Variants in ABCC1 observed in about 807,000 individuals in gnomAD.
ABCC1 encodes ATP binding cassette subfamily C member 1 (ABCC1 blood group).
Under a neutral mutation model 172.9 loss-of-function variants are expected in ABCC1, and 83 were observed. That is an observed-to-expected ratio of 0.48 (90% CI 0.40 to 0.58). ABCC1 has a LOEUF of 0.58. Among genes scored for constraint, ABCC1 ranks in the 20% least tolerant of loss-of-function variants. ABCC1 has a pLI of 0.00. For synonymous variants in ABCC1, 937 were observed against 825.2 expected, an observed-to-expected ratio of 1.14 and a Z score of -2.32; for missense variants, 1,817 against 2,002.7, an observed-to-expected ratio of 0.91 and a Z score of 1.77.
Position 16,071,661 on chromosome 16 carries a change from G to A in ABCC1, c.1844G>A (p.Arg615His). 12 of 1,613,902 alleles carry A rather than the reference G, an allele frequency of 7.4e-6. No homozygotes were observed. The highest frequency in any genetic ancestry group is 1.0e-5 in the Non-Finnish European group (12 of 1,179,936). The change falls in exon 14 of 31, where the codon CGC (arginine) becomes CAC (histidine). Residue 615 changes from arginine (R) to histidine (H), a missense_variant. Around this residue, in one of 3 missense-constraint regions of ABCC1, gnomAD observed 1,412 missense variants for 1,600.3 expected, o/e 0.88. Transcript: ENST00000399410. ...SIVQASVSLK[R>H]LRIFLSHEEL... Reference sequence around the variant, plus strand: ...GTACAGGCGAGTGTCTCCCTCAAACGCCTGAGGATCTTTCTCTCCCATGAG... The same window carrying A: ...GTACAGGCGAGTGTCTCCCTCAAACACCTGAGGATCTTTCTCTCCCATGAG...
intron 1 of ABCC1, among the ~76,000 whole-genome samples, chr16:15,969,110 A>G (rs776275714): frequency 6.6e-6 from 1 of 152,118 alleles, no homozygotes; most frequent in Non-Finnish European, 1.5e-5. Flanking sequence ...AGGGGGAGGC[A>G]TAAGGATCAC....
intron 25 of ABCC1, among the ~76,000 whole-genome samples, chr16:16,125,412 C>T (rs527455903): frequency 1.3e-5 from 2 of 152,110 alleles, no homozygotes; most frequent in South Asian, 4.2e-4. Flanking sequence ...TTTCATAACT[C>T]ATAACCTTTT....
chr16:16,115,934 G>A (rs999094153), intron 23 of ABCC1, among the ~76,000 whole-genome samples: 2 of 149,016 alleles, frequency 1.3e-5, no homozygotes, highest in Admixed American at 6.7e-5. Context: ...ATGGAGTCTC[G>A]CTCTGTCGCC....
rs760313323 is a variant in ABCC1 at position 16,044,608 on chromosome 16, C to G, written c.968C>G (p.Pro323Arg). The change falls in exon 8 of 31, where the codon CCC (proline) becomes CGC (arginine). Residue 323 changes from proline (P) to arginine (R), a missense_variant. Around this residue, in one of 3 missense-constraint regions of ABCC1, gnomAD observed 7 missense variants for 18.2 expected, o/e 0.39. Transcript: ENST00000399410. ...LFKVLYKTFG[P>R]YFLMSFFFKA... ...AAGGTGTTATACAAGACCTTTGGGC[C>G]CTACTTCCTCATGAGCTTCTTCTTC... The G allele has an allele frequency of 6.2e-7, 1 of 1,614,078 alleles. No homozygotes were observed. Among genetic ancestry groups the G allele is most frequent in the Non-Finnish European group, 8.5e-7 (1 of 1,180,026 alleles).
intron 19 of ABCC1, among the ~76,000 whole-genome samples, chr16:16,093,311 C>G (rs905212748): frequency 6.6e-6 from 1 of 152,084 alleles, no homozygotes; most frequent in Non-Finnish European, 1.5e-5. Flanking sequence ...TGAGGTCTGT[C>G]TCTCTACCCT....
At chr16:16,037,370 A>G (rs2048797651) in intron 7 of ABCC1, among the ~76,000 whole-genome samples, 1 of 152,154 alleles carries the variant, frequency 6.6e-6, no homozygotes, top group African/African-American at 2.4e-5. Flanking sequence ...GCCCCACTGC[A>G]CCACCTCTGT....
chr16:16,007,807 T>C lies in ABCC1; in HGVS notation c.49-9T>C, dbSNP rs1444330650. The C allele has an allele frequency of 6.2e-7, 1 of 1,607,618 alleles. No homozygotes were observed. Among genetic ancestry groups the C allele is most frequent in the East Asian group, 2.2e-5 (1 of 44,638 alleles). On this transcript the variant is annotated splice_polypyrimidine_tract_variant and intron_variant, in intron 1 of 30. Transcript: ENST00000399410. ...CCTGCTGACCCCTCGCCTGTGTTTGTGTTCGCAGGACTGGAATGTCACGTG... is the reference window on the plus strand; with the variant it reads ...CCTGCTGACCCCTCGCCTGTGTTTGCGTTCGCAGGACTGGAATGTCACGTG...
At chr16:16,076,165 TC>T in intron 14 of ABCC1, 160 bp from the exon 15 acceptor site, 1 of 673,192 alleles carries the variant, frequency 1.5e-6, no homozygotes, top group South Asian at 1.9e-5. Flanking sequence ...AGGTTGAGTT[TC>T]TTCTTTCAGA....
chr16:15,977,393 TTTA>T (rs2046518259), intron 1 of ABCC1, among the ~76,000 whole-genome samples: 1 of 152,108 alleles, frequency 6.6e-6, no homozygotes, highest in African/African-American at 2.4e-5. Context: ...CTTTGTCCCA[TTTA>T]TTATTATTTA....
chr16:15,987,840 G>A (rs2046776070), intron 1 of ABCC1, among the ~76,000 whole-genome samples: 1 of 152,210 alleles, frequency 6.6e-6, no homozygotes, highest in Non-Finnish European at 1.5e-5. Flanking sequence ...CGGTTTCTCA[G>A]AAATGCCAGG....
intron 20 of ABCC1, among the ~76,000 whole-genome samples, chr16:16,104,585 T>A (rs2051976100): frequency 6.6e-6 from 1 of 152,150 alleles, no homozygotes; most frequent in African/African-American, 2.4e-5. Context: ...AGCACCAGAC[T>A]CAGGAGCCCA....
chr16:15,994,014 T>A (rs1261585438), intron 1 of ABCC1, among the ~76,000 whole-genome samples: 1 of 152,048 alleles, frequency 6.6e-6, no homozygotes, highest in Non-Finnish European at 1.5e-5. Context: ...GCAGACTGAG[T>A]TCAAGACCAG....
intron 19 of ABCC1, among the ~76,000 whole-genome samples, chr16:16,096,041 C>T (rs530428743): frequency 7.2e-4 from 110 of 152,172 alleles, no homozygotes; most frequent in Non-Finnish European, 1.3e-3. Flanking sequence ...CCAAGGTAGG[C>T]GGATCACCTG....
intron 22 of ABCC1, 37 bp downstream of exon 22, chr16:16,111,619 C>G: frequency 3.8e-6 from 6 of 1,575,526 alleles, no homozygotes; most frequent in Non-Finnish European, 5.2e-6. Flanking sequence ...CTGATTTGGG[C>G]CCCTGTTGTG....
intron 23 of ABCC1, among the ~76,000 whole-genome samples, chr16:16,115,669 T>C (rs2044828981): frequency 6.6e-6 from 1 of 152,014 alleles, no homozygotes; most frequent in South Asian, 2.1e-4. Flanking sequence ...AAGTATAAAA[T>C]TCTTTAGTTC....
At chr16:16,042,659 C>T (rs1415375580) in intron 7 of ABCC1, among the ~76,000 whole-genome samples, 1 of 149,958 alleles carries the variant, frequency 6.7e-6, no homozygotes, top group East Asian at 2.0e-4. Flanking sequence ...GTCAGGATCG[C>T]ACCATTGCAC....
At chr16:16,071,964 C>G (rs1420178350) in intron 14 of ABCC1, among the ~76,000 whole-genome samples, 4 of 152,112 alleles carry the variant, frequency 2.6e-5, no homozygotes, top group African/African-American at 9.7e-5. Context: ...CTTGCACTTG[C>G]ATTTTTGTTT....
chr16:16,117,075 A>G (rs1350852038), intron 23 of ABCC1, among the ~76,000 whole-genome samples: 1 of 152,104 alleles, frequency 6.6e-6, no homozygotes, highest in East Asian at 1.9e-4. Flanking sequence ...AAACTTACAC[A>G]TTATTTTTGG....
chr16:16,045,418 A>AAG (rs2049164643), intron 8 of ABCC1, among the ~76,000 whole-genome samples: 2 of 149,258 alleles, frequency 1.3e-5, no homozygotes, highest in African/African-American at 2.5e-5. Flanking sequence ...AAAAAAAAAA[A>AAG]GAATAAAAAC....
Sources: gnomAD v4.1 joint callset for allele counts (sites outside exome capture counted in the v4.1 genomes callset) on GRCh38, gnomAD v4.1.1 for gene constraint, gnomAD v4.1.1 regional missense constraint, MANE v1.5 for transcripts, NCBI Gene and HGNC (gene_info 2026-07-23, HGNC 2026-07-21) for gene names.